Variants in LOXL2 observed in about 807,000 individuals in gnomAD.
LOXL2 encodes the protein lysyl oxidase like 2.
Under a neutral mutation model 93.0 loss-of-function variants are expected in LOXL2, and 70 were observed. The observed-to-expected ratio is 0.75, with a 90% CI of 0.62 to 0.92. The LOEUF is 0.92. Among genes scored for constraint, LOXL2 ranks in the 40% least tolerant of loss-of-function variants. The pLI, the probability that LOXL2 is intolerant of heterozygous loss-of-function variation, is 0.00. For synonymous variants in LOXL2, 438 were observed against 413.2 expected (o/e 1.06, Z -0.73); for missense variants, 973 against 1,054.9 (o/e 0.92, Z 1.08).
At chr8:23,352,422 T>C (rs1160485253) in intron 3 of LOXL2, among the ~76,000 whole-genome samples, 2 of 152,136 alleles carry the variant, frequency 1.3e-5, no homozygotes, top group African/African-American at 4.8e-5. Context: ...GCCCCCTTTT[T>C]TCCCCAAACC....
chr8:23,368,099 C>T lies in LOXL2; in HGVS notation c.253G>A (p.Asp85Asn), dbSNP rs767167523. The T allele has an allele frequency of 8.1e-6, 13 of 1,613,992 alleles. No individual in the cohort carries two copies. Among genetic ancestry groups the T allele is most frequent in the Middle Eastern group, 1.6e-4 (1 of 6,082 alleles). Residue 85 changes from aspartate (D) to asparagine (N), a missense_variant, in exon 2 of 14, where the codon GAT (aspartate) becomes AAT (asparagine). Asp to Asn is a conservative substitution (Grantham distance 23). Coordinates refer to ENST00000389131, the MANE Select transcript of LOXL2 (RefSeq NM_002318.3). The stretch of plus-strand genomic sequence containing the variant: ...GCAGCGTGGATGGAGAAGTCGTCAT[C>T]GCACACGGTGCCCCACTGGCCATCA... ...YYDGQWGTVC[D>N]DDFSIHAAHV... is the part of the protein sequence containing the mutation.
chr8:23,354,637 A>G (rs1379261358), intron 3 of LOXL2, among the ~76,000 whole-genome samples: 2 of 150,044 alleles, frequency 1.3e-5, no homozygotes, highest in African/African-American at 2.5e-5. Flanking sequence ...CAGTTTACAC[A>G]TGGTGCGCGA....
intron 9 of LOXL2, among the ~76,000 whole-genome samples, chr8:23,311,938 G>A (rs1563186863): frequency 6.6e-6 from 1 of 152,138 alleles, no homozygotes; most frequent in African/African-American, 2.4e-5. Context: ...GGGGATTCGA[G>A]GAAGTAACAC....
chr8:23,342,261 C>T (rs1294561827), intron 3 of LOXL2, among the ~76,000 whole-genome samples: 1 of 152,048 alleles, frequency 6.6e-6, no homozygotes, highest in African/African-American at 2.4e-5. Context: ...TACAGTGGCA[C>T]TTTTTAATGC....
chr8:23,357,817 T>C (rs1804224749), intron 3 of LOXL2, among the ~76,000 whole-genome samples: 1 of 152,182 alleles, frequency 6.6e-6, no homozygotes, highest in Non-Finnish European at 1.5e-5. Context: ...TGTGAAGAAA[T>C]TATTTGCTTC....
At chr8:23,403,773 G>A (rs1800182619) in intron 1 of LOXL2, 181 bp downstream of exon 1, 1 of 152,276 alleles carries the variant, frequency 6.6e-6, no homozygotes, top group Admixed American at 6.5e-5. Flanking sequence ...GCCGCCCGGG[G>A]CGGCAGGAGG....
intron 10 of LOXL2, among the ~76,000 whole-genome samples, chr8:23,308,218 A>G (rs1167279324): frequency 6.6e-6 from 1 of 152,208 alleles, no homozygotes; most frequent in East Asian, 1.9e-4. Flanking sequence ...CCGGAGCTGC[A>G]GCGGAGCCTC....
chr8:23,325,632 G>A (rs78867529), intron 6 of LOXL2, among the ~76,000 whole-genome samples: 3,328 of 152,268 alleles, frequency 0.022, 132 homozygotes, highest in Admixed American at 0.088. Context: ...TCTTCACCAA[G>A]TATTTGTTCT....
rs115120661 is a variant in LOXL2 at position 23,319,572 on chromosome 8, C to T, written c.1470+313G>A. On this transcript the variant is annotated intron_variant, in intron 8 of 13. Transcript: ENST00000389131. ...CTTCTGCACAAGGCACATCAGGAAC[C>T]CCCAGGATCAGTCTTGAGCCCAGGG... Among the ~76,000 whole-genome samples, 936 of 152,250 alleles carry T rather than the reference C, an allele frequency of 6.1e-3. 9 individuals carry two copies. Among genetic ancestry groups the T allele is most frequent in the African/African-American group, 0.022 (893 of 41,520 alleles).
chr8:23,383,887 G>C lies in LOXL2; in HGVS notation c.-83-15453C>G, dbSNP rs1042302455. 8.6e-5 allele frequency among the ~76,000 whole-genome samples: 13 copies of C among 151,904 alleles called. 1 individual carries two copies. The highest frequency in any genetic ancestry group is 2.1e-4 in the South Asian group (1 of 4,806). On this transcript the variant is annotated intron_variant, in intron 1 of 13. Coordinates refer to ENST00000389131, the MANE Select transcript of LOXL2 (RefSeq NM_002318.3). ...GTGTTAGCCAGGATGGTCTCGATCT[G>C]CTGACCTCGTGATCCACCCGCCTCG...
chr8:23,307,599 G>A (rs1474507529), intron 10 of LOXL2, among the ~76,000 whole-genome samples: 2 of 152,128 alleles, frequency 1.3e-5, no homozygotes, highest in African/African-American at 4.8e-5. Context: ...TTCCTACCAT[G>A]TAATCTGTGG....
intron 5 of LOXL2, 137 bp from the exon 6 acceptor site, chr8:23,328,702 T>C (rs1803627653): frequency 2.9e-6 from 2 of 690,238 alleles, no homozygotes; most frequent in Admixed American, 2.2e-5. Context: ...CTATGCTTGA[T>C]GTATGGATGT....
chr8:23,383,637 C>T (rs1331681315), intron 1 of LOXL2, among the ~76,000 whole-genome samples: 1 of 144,350 alleles, frequency 6.9e-6, no homozygotes. Context: ...TCTAAGAGGG[C>T]ACTTTTACGT....
chr8:23,344,547 GTA>G (rs1803937143), intron 3 of LOXL2, among the ~76,000 whole-genome samples: 2 of 152,054 alleles, frequency 1.3e-5, no homozygotes, highest in Admixed American at 6.6e-5. Flanking sequence ...ATGAGCCCCT[GTA>G]TATGTCTCTG....
At chr8:23,395,123 G>A (rs185193333) in intron 1 of LOXL2, among the ~76,000 whole-genome samples, 14 of 152,216 alleles carry the variant, frequency 9.2e-5, no homozygotes, top group African/African-American at 3.1e-4. Context: ...GTATTGTGGC[G>A]CACGCCTGTA....
chr8:23,355,133 C>G (rs1289108495), intron 3 of LOXL2, among the ~76,000 whole-genome samples: 1 of 151,182 alleles, frequency 6.6e-6, no homozygotes, highest in Admixed American at 6.6e-5. Context: ...TTAGTAGAGA[C>G]GGGGTTTCAC....
At chr8:23,352,538 T>C (rs6557657) in intron 3 of LOXL2, among the ~76,000 whole-genome samples, 45,619 of 151,990 alleles carry the variant, frequency 0.3, 8,791 homozygotes, top group African/African-American at 0.55. Flanking sequence ...CCTTTTAGGC[T>C]GAAGCCCTCC....
intron 1 of LOXL2, among the ~76,000 whole-genome samples, chr8:23,397,221 T>A (rs528498151): frequency 6.6e-6 from 1 of 151,386 alleles, no homozygotes; most frequent in Non-Finnish European, 1.5e-5. Context: ...GTGGAGTTAG[T>A]GTTCAATGGG....
intron 6 of LOXL2, among the ~76,000 whole-genome samples, chr8:23,324,629 C>T (rs1215282524): frequency 6.6e-6 from 1 of 152,196 alleles, no homozygotes; most frequent in Non-Finnish European, 1.5e-5. Context: ...CCTCATGGTG[C>T]CTTCCCCGTC....
Sources: gnomAD v4.1 joint callset for allele counts (sites outside exome capture counted in the v4.1 genomes callset) on GRCh38, gnomAD v4.1.1 for gene constraint, MANE v1.5 for transcripts, NCBI Gene and HGNC (gene_info 2026-07-23, HGNC 2026-07-21) for gene names.